The following RBFOX1 variants were observed in gnomAD, a reference collection of about 807,000 sequenced individuals.
RBFOX1 encodes the protein RNA binding protein fox-1 homolog 1.
A neutral mutation model predicts 57.7 loss-of-function variants in RBFOX1; 8 were observed. That is an observed-to-expected ratio of 0.14 (90% CI 0.08 to 0.25). The LOEUF is 0.25. Among genes scored for constraint, RBFOX1 ranks in the 10% least tolerant of loss-of-function variants. The pLI, the probability that RBFOX1 is intolerant of heterozygous loss-of-function variation, is 1.00. For missense variants in RBFOX1, 611 were observed against 548.5 expected (o/e 1.11, Z -1.14); for synonymous variants, 326 against 222.4 (o/e 1.47, Z -4.15).
Position 7,365,029 on chromosome 16 carries a change from C to T in RBFOX1, c.28-153118C>T, listed in dbSNP as rs1349559628. On this transcript the variant is annotated intron_variant, in intron 4 of 15. Coordinates refer to ENST00000550418, the MANE Select transcript of RBFOX1 (RefSeq NM_018723.4). ...CTGTCTGTCTGTCTATCCATCCGTC[C>T]GTCCGTCTGTCCGTCGTCTATCAAT... 4.6e-5 allele frequency among the ~76,000 whole-genome samples: 7 copies of T among 152,140 alleles called. No homozygotes were observed. The South Asian group carries it at 6.2e-4, about 14-fold the overall frequency.
chr16:7,421,958 C>T (rs1041365778), intron 4 of RBFOX1, among the ~76,000 whole-genome samples: 2 of 152,116 alleles, frequency 1.3e-5, no homozygotes, highest in East Asian at 3.8e-4. Flanking sequence ...TCCCTAAAGC[C>T]ATATCTGTTC....
intron 2 of RBFOX1, among the ~76,000 whole-genome samples, chr16:6,462,839 T>C (rs976262381): frequency 5.3e-5 from 8 of 152,226 alleles, no homozygotes; most frequent in Non-Finnish European, 1.0e-4. Context: ...ATTTTCATGT[T>C]CTTGACGACT....
At chr16:6,256,609 A>T (rs915776895) in intron 1 of RBFOX1, among the ~76,000 whole-genome samples, 1 of 152,086 alleles carries the variant, frequency 6.6e-6, no homozygotes, top group African/African-American at 2.4e-5. Context: ...TGTGCTTAGG[A>T]CAGGTGCTGG....
At chr16:7,006,237 C>G (rs1380389686) in intron 3 of RBFOX1, among the ~76,000 whole-genome samples, 2 of 152,042 alleles carry the variant, frequency 1.3e-5, no homozygotes, top group Non-Finnish European at 2.9e-5. Flanking sequence ...TCACTGCATC[C>G]TCTGCCTCCG....
chr16:7,048,578 C>G (rs1307309954), intron 3 of RBFOX1, among the ~76,000 whole-genome samples: 1 of 152,114 alleles, frequency 6.6e-6, no homozygotes, highest in Non-Finnish European at 1.5e-5. Context: ...TCTTTATTAT[C>G]TTTTGTTTCT....
At chr16:6,311,312 A>G (rs1427365138) in intron 1 of RBFOX1, among the ~76,000 whole-genome samples, 1 of 150,512 alleles carries the variant, frequency 6.6e-6, no homozygotes, top group African/African-American at 2.5e-5. Context: ...AAAAAAAAAA[A>G]AAAAGAATAA....
At chr16:6,562,119 A>G (rs770837605) in intron 2 of RBFOX1, among the ~76,000 whole-genome samples, 10 of 152,184 alleles carry the variant, frequency 6.6e-5, no homozygotes, top group Non-Finnish European at 1.3e-4. Context: ...ATGGGTAGAG[A>G]ATTAGACTCC....
At chr16:5,926,507 C>A (rs2058944150) in intron 4 of RBFOX1, among the ~76,000 whole-genome samples, 1 of 152,096 alleles carries the variant, frequency 6.6e-6, no homozygotes, top group Non-Finnish European at 1.5e-5. Context: ...ACCTCACAAT[C>A]ATTATCCCAT....
intron 2 of RBFOX1, among the ~76,000 whole-genome samples, chr16:6,442,158 G>A (rs1454974010): frequency 6.6e-6 from 1 of 152,124 alleles, no homozygotes; most frequent in Non-Finnish European, 1.5e-5. Flanking sequence ...AGAATAGCAG[G>A]GGACAGAGCT....
intron 4 of RBFOX1, among the ~76,000 whole-genome samples, chr16:7,425,594 C>T (rs1050562053): frequency 2.6e-5 from 4 of 152,078 alleles, no homozygotes; most frequent in Admixed American, 1.3e-4. Context: ...ACATAGTTTC[C>T]TCTTGCTCAT....
chr16:6,580,184 C>G (rs969249299), intron 2 of RBFOX1, among the ~76,000 whole-genome samples: 8 of 152,268 alleles, frequency 5.3e-5, no homozygotes, highest in African/African-American at 1.9e-4. Context: ...GTCTCGAACT[C>G]CTGACCTCAT....
intron 9 of RBFOX1, among the ~76,000 whole-genome samples, chr16:7,603,552 G>C (rs2095147295): frequency 1.3e-5 from 2 of 152,144 alleles, no homozygotes; most frequent in East Asian, 1.9e-4. Flanking sequence ...ACATTAACTG[G>C]CATGTTCTGA....
intron 1 of RBFOX1, among the ~76,000 whole-genome samples, chr16:5,401,780 C>T (rs911321511): frequency 6.5e-4 from 86 of 131,386 alleles, no homozygotes; most frequent in Non-Finnish European, 1.0e-3. Context: ...CCTCCTCCTC[C>T]TCCTCCTCCT....
intron 2 of RBFOX1, among the ~76,000 whole-genome samples, chr16:6,494,777 G>C (rs1004410165): frequency 6.6e-6 from 1 of 152,164 alleles, no homozygotes; most frequent in Non-Finnish European, 1.5e-5. Context: ...AATGCCAGTT[G>C]CGTACAAACT....
chr16:5,826,108 T>C (rs920547234), intron 3 of RBFOX1, among the ~76,000 whole-genome samples: 7 of 147,752 alleles, frequency 4.7e-5, no homozygotes, highest in African/African-American at 1.7e-4. Context: ...AGGAATAATA[T>C]TCCTTAATAT....
intron 3 of RBFOX1, among the ~76,000 whole-genome samples, chr16:6,979,911 C>G (rs1187173659): frequency 6.6e-6 from 1 of 152,064 alleles, no homozygotes; most frequent in South Asian, 2.1e-4. Flanking sequence ...AAGATCTTGT[C>G]AAAGAGATGG....
At chr16:6,807,914 G>GTATATATATATA (rs932439939) in intron 3 of RBFOX1, among the ~76,000 whole-genome samples, 4 of 132,098 alleles carry the variant, frequency 3.0e-5, no homozygotes, top group African/African-American at 1.1e-4. Flanking sequence ...GTGTGTGTGT[G>GTATATATATATA]TATATATATA....
At chr16:6,630,256 T>C (rs2098367485) in intron 2 of RBFOX1, among the ~76,000 whole-genome samples, 1 of 152,158 alleles carries the variant, frequency 6.6e-6, no homozygotes, top group Non-Finnish European at 1.5e-5. Context: ...CTTCTTCTCC[T>C]GCCTTTTTCT....
At chr16:5,373,045 A>T (rs928522182) in intron 1 of RBFOX1, among the ~76,000 whole-genome samples, 1 of 152,194 alleles carries the variant, frequency 6.6e-6, no homozygotes, top group Admixed American at 6.5e-5. Flanking sequence ...TCACATCTTG[A>T]TATCACCTCT....
Sources: gnomAD v4.1 joint callset for allele counts (sites outside exome capture counted in the v4.1 genomes callset) on GRCh38, gnomAD v4.1.1 for gene constraint, MANE v1.5 for transcripts, NCBI Gene and HGNC (gene_info 2026-07-23, HGNC 2026-07-21) for gene names.